NAV3: variants seen among roughly 807,000 people sequenced by gnomAD.
The protein encoded by NAV3 is pore membrane and/or filament interacting like protein 1.
A neutral mutation model predicts 244.7 loss-of-function variants in NAV3; 87 were observed. That is an observed-to-expected ratio of 0.36 (90% CI 0.30 to 0.42). The LOEUF is 0.42. Among genes scored for constraint, NAV3 ranks in the 20% least tolerant of loss-of-function variants. The probability of loss-of-function intolerance (pLI) is 1.00; values close to 1 mark genes in which losing one functional copy is unlikely to be tolerated. For missense variants in NAV3, 2,663 were observed against 2,893.3 expected (o/e 0.92, Z 1.83); for synonymous variants, 1,126 against 1,042.2 (o/e 1.08, Z -1.55).
intron 2 of NAV3, among the ~76,000 whole-genome samples, chr12:77,777,891 C>G (rs547592081): frequency 2.0e-5 from 3 of 151,610 alleles, no homozygotes; most frequent in Non-Finnish European, 4.4e-5. Context: ...CTGCAACCTC[C>G]GCCTCCCAGG....
chr12:77,794,639 G>T (rs1251559766), intron 2 of NAV3, among the ~76,000 whole-genome samples: 1 of 152,146 alleles, frequency 6.6e-6, no homozygotes, highest in East Asian at 1.9e-4. Flanking sequence ...TTGAAGGTTT[G>T]TGGCAACCCT....
At chr12:77,882,178 A>C (rs1385766762) in intron 1 of NAV3, among the ~76,000 whole-genome samples, 1 of 152,138 alleles carries the variant, frequency 6.6e-6, no homozygotes, top group Non-Finnish European at 1.5e-5. Flanking sequence ...TTCAAACTAC[A>C]CTCTATGGAT....
chr12:77,821,899 T>G (rs1366602103), intron 2 of NAV3, among the ~76,000 whole-genome samples: 1 of 152,122 alleles, frequency 6.6e-6, no homozygotes, highest in Non-Finnish European at 1.5e-5. Flanking sequence ...TAGGTTGCAT[T>G]TTTTTAGCAT....
chr12:77,967,694 C>T (rs886323248), intron 4 of NAV3, among the ~76,000 whole-genome samples: 4 of 151,824 alleles, frequency 2.6e-5, no homozygotes, highest in African/African-American at 9.7e-5. Context: ...TAAGTTATAA[C>T]TACAGGAGAA....
intron 33 of NAV3, 64 bp downstream of exon 33, chr12:78,188,841 C>T (rs956173112): frequency 8.8e-5 from 132 of 1,504,030 alleles, no homozygotes; most frequent in Middle Eastern, 3.5e-4. Context: ...TTCTGCCCCC[C>T]GCCCCTTTTT....
chr12:77,843,094 C>T (rs1875971494), intron 1 of NAV3, among the ~76,000 whole-genome samples: 1 of 151,998 alleles, frequency 6.6e-6, no homozygotes, highest in African/African-American at 2.4e-5. Context: ...TATTTTGACT[C>T]ATATATTATT....
chr12:77,707,892 C>T (rs1875906263), intron 2 of NAV3, among the ~76,000 whole-genome samples: 1 of 152,200 alleles, frequency 6.6e-6, no homozygotes, highest in Admixed American at 6.5e-5. Flanking sequence ...ACCCTTTGCT[C>T]ACTTTTTGAT....
At chr12:77,885,797 G>A (rs1247808403) in intron 1 of NAV3, among the ~76,000 whole-genome samples, 1 of 152,074 alleles carries the variant, frequency 6.6e-6, no homozygotes, top group Non-Finnish European at 1.5e-5. Flanking sequence ...CTGTCTTGCT[G>A]CTTAAGATGA....
At chr12:77,982,250 A>C (rs1869716742) in intron 5 of NAV3, among the ~76,000 whole-genome samples, 1 of 127,434 alleles carries the variant, frequency 7.8e-6, no homozygotes, top group South Asian at 2.7e-4. Context: ...TTGATCCTTT[A>C]TATGTTACAT....
intron 3 of NAV3, among the ~76,000 whole-genome samples, chr12:77,941,805 GAAATATAA>G (rs753760750): frequency 1.1e-4 from 16 of 152,082 alleles, no homozygotes; most frequent in Non-Finnish European, 2.2e-4. Context: ...AGGAAAACCT[GAAATATAA>G]AATGCCTTAA....
chr12:77,820,814 T>A (rs1872709496), intron 2 of NAV3, among the ~76,000 whole-genome samples: 1 of 152,190 alleles, frequency 6.6e-6, no homozygotes, highest in African/African-American at 2.4e-5. Context: ...TGCTGCCTTT[T>A]TAAATGGTGC....
upstream of NAV3, among the ~76,000 whole-genome samples, chr12:77,828,436 A>G (rs1873242054): frequency 6.6e-6 from 1 of 152,192 alleles, no homozygotes; most frequent in Admixed American, 6.5e-5. Flanking sequence ...GTTCGAGATG[A>G]ATACAATCAT....
intron 2 of NAV3, among the ~76,000 whole-genome samples, chr12:77,619,881 T>TCTCA (rs766158884): frequency 3.5e-4 from 52 of 149,254 alleles, no homozygotes; most frequent in African/African-American, 1.2e-3. Context: ...TCTCTCTCTC[T>TCTCA]CACACACACA....
At position 77,837,101 on chromosome 12, in the gene NAV3, A is replaced by G. The variant is rs530649069; in HGVS notation, c.243+5397A>G. 4.5e-4 allele frequency among the ~76,000 whole-genome samples: 68 copies of G among 152,222 alleles called. 1 individual carries two copies. The highest frequency in any genetic ancestry group is 3.4e-3 in the Middle Eastern group (1 of 294). The stretch of plus-strand genomic sequence containing the variant: ...GTGGACAATTCTTTTGCAGAATGTT[A>G]GGGCTGAGAGAAATTGTATATGAAT... On this transcript the variant is annotated intron_variant, in intron 1 of 39. Coordinates refer to ENST00000397909, the MANE Select transcript of NAV3 (RefSeq NM_001024383.2).
In NAV3 at chr12:77,904,848, T is replaced by C. The variant is rs148258249; in HGVS notation, c.244-35471T>C. Among the ~76,000 whole-genome samples the C allele has an allele frequency of 2.6e-5, 4 of 152,254 alleles. No homozygotes were observed. The East Asian group carries it at 7.7e-4, about 29-fold the overall frequency. On this transcript the variant is annotated intron_variant, in intron 1 of 39. Coordinates refer to ENST00000397909, the MANE Select transcript of NAV3 (RefSeq NM_001024383.2). The stretch of plus-strand genomic sequence containing the variant: ...ATGACTTTTTCATTACACTTATGTC[T>C]ACTGTAATTTTTCTTCTATACTTTA...
chr12:77,658,514 G>A (rs1314897735), intron 2 of NAV3, among the ~76,000 whole-genome samples: 5,579 of 150,144 alleles, frequency 0.037, 184 homozygotes, highest in Non-Finnish European at 0.044. Context: ...AATCAATATC[G>A]TGAAAATGGC....
At chr12:77,842,357 A>G (rs908112048) in intron 1 of NAV3, among the ~76,000 whole-genome samples, 6 of 151,960 alleles carry the variant, frequency 3.9e-5, no homozygotes, top group Non-Finnish European at 8.8e-5. Flanking sequence ...CACATCCTGA[A>G]AGCAGGTCTC....
At chr12:77,709,800 A>G (rs564010615) in intron 2 of NAV3, among the ~76,000 whole-genome samples, 28 of 152,222 alleles carry the variant, frequency 1.8e-4, no homozygotes, top group Non-Finnish European at 3.5e-4. Context: ...CCAGCAATTA[A>G]CATTGTGCCT....
At chr12:77,726,597 T>G (rs924601800) in intron 2 of NAV3, among the ~76,000 whole-genome samples, 1 of 151,938 alleles carries the variant, frequency 6.6e-6, no homozygotes, top group African/African-American at 2.4e-5. Flanking sequence ...AGAATATTTC[T>G]TCAATGGAGA....
Sources: allele counts gnomAD v4.1 joint callset (sites outside exome capture counted in the v4.1 genomes callset), GRCh38; gene constraint gnomAD v4.1.1; transcripts MANE v1.5; gene names NCBI Gene and HGNC (gene_info 2026-07-23, HGNC 2026-07-21).